A1CF: variants seen among roughly 807,000 people sequenced by gnomAD.
The protein encoded by A1CF is APOBEC1 complementation factor.
Under a neutral mutation model 68.9 loss-of-function variants are expected in A1CF, and 48 were observed. The observed-to-expected ratio is 0.70, with a 90% CI of 0.55 to 0.89. The LOEUF (loss-of-function observed/expected upper bound fraction) is 0.89, where lower values mean the gene tolerates loss of function less well. Ranked by LOEUF, A1CF falls within the 40% of genes least tolerant of loss-of-function variation. A1CF has a pLI of 0.00. For synonymous variants in A1CF, 272 were observed against 260.4 expected, an observed-to-expected ratio of 1.04 and a Z score of -0.43; for missense variants, 653 against 718.9, an observed-to-expected ratio of 0.91 and a Z score of 1.05.
At chr10:50,830,380 T>C (rs1249820066) in intron 6 of A1CF, among the ~76,000 whole-genome samples, 1 of 152,186 alleles carries the variant, frequency 6.6e-6, no homozygotes, top group African/African-American at 2.4e-5. Flanking sequence ...GATTGACTAA[T>C]ATTCCATTGT....
At chr10:50,852,817 A>C (rs1840309620) in intron 3 of A1CF, among the ~76,000 whole-genome samples, 1 of 152,186 alleles carries the variant, frequency 6.6e-6, no homozygotes, top group African/African-American at 2.4e-5. Flanking sequence ...TGAGACCCTC[A>C]GGTTATTTTT....
chr10:50,854,989 T>G (rs1045733762), intron 3 of A1CF, among the ~76,000 whole-genome samples: 4 of 151,906 alleles, frequency 2.6e-5, no homozygotes, highest in Non-Finnish European at 5.9e-5. Flanking sequence ...TTTAAAAAAT[T>G]AAGACTACCT....
At chr10:50,807,319 C>A (rs940145921) in intron 12 of A1CF, among the ~76,000 whole-genome samples, 1 of 152,088 alleles carries the variant, frequency 6.6e-6, no homozygotes, top group Non-Finnish European at 1.5e-5. Context: ...CTCCTGTAAC[C>A]CCACACCTGC....
At chr10:50,826,530 TA>T (rs1425255000) in intron 7 of A1CF, among the ~76,000 whole-genome samples, 5 of 152,164 alleles carry the variant, frequency 3.3e-5, no homozygotes, top group African/African-American at 1.2e-4. Context: ...CCAGCCAAAC[TA>T]AGCTTCATAA....
At chr10:50,852,559 T>C (rs918193557) in intron 3 of A1CF, among the ~76,000 whole-genome samples, 5 of 152,162 alleles carry the variant, frequency 3.3e-5, no homozygotes, top group Admixed American at 6.6e-5. Context: ...TTGCTACCTA[T>C]TTAAAGAATT....
At chr10:50,876,683 C>A (rs146193384) in intron 1 of A1CF, among the ~76,000 whole-genome samples, 54 of 152,218 alleles carry the variant, frequency 3.5e-4, no homozygotes, top group African/African-American at 1.2e-3. Context: ...GGGTCTCAAG[C>A]CTTTGGACTT....
chr10:50,852,055 T>A (rs1212008663), intron 3 of A1CF, among the ~76,000 whole-genome samples: 1 of 152,226 alleles, frequency 6.6e-6, no homozygotes, highest in Non-Finnish European at 1.5e-5. Flanking sequence ...AGTGTGAATT[T>A]GTCAGCGTGC....
intron 5 of A1CF, among the ~76,000 whole-genome samples, chr10:50,836,892 G>C (rs1209173231): frequency 6.6e-6 from 1 of 152,008 alleles, no homozygotes; most frequent in Non-Finnish European, 1.5e-5. Flanking sequence ...TGGCTGCATA[G>C]CATCTGCTTT....
intron 7 of A1CF, among the ~76,000 whole-genome samples, chr10:50,826,922 A>G (rs1350037203): frequency 6.6e-6 from 1 of 152,198 alleles, no homozygotes; most frequent in African/African-American, 2.4e-5. Context: ...GGCTCAAAGT[A>G]AATGGATGGA....
At chr10:50,852,262 G>T (rs1056721128) in intron 3 of A1CF, among the ~76,000 whole-genome samples, 1 of 152,168 alleles carries the variant, frequency 6.6e-6, no homozygotes, top group Non-Finnish European at 1.5e-5. Flanking sequence ...GGCTATTCGA[G>T]GAGAAATTCA....
intron 10 of A1CF, 112 bp downstream of exon 10, chr10:50,813,745 A>G: frequency 3.6e-6 from 4 of 1,117,240 alleles, no homozygotes; most frequent in Middle Eastern, 2.1e-4. Context: ...TTTATATATT[A>G]AAAGAAAAAA....
At chr10:50,855,639 T>A (rs1434741401) in intron 3 of A1CF, among the ~76,000 whole-genome samples, 1 of 152,030 alleles carries the variant, frequency 6.6e-6, no homozygotes, top group East Asian at 1.9e-4. Context: ...AGTTGCTACA[T>A]AAAAGCCTGG....
intron 7 of A1CF, among the ~76,000 whole-genome samples, chr10:50,827,481 A>C (rs962077651): frequency 3.3e-5 from 5 of 152,204 alleles, no homozygotes; most frequent in Admixed American, 1.3e-4. Flanking sequence ...TAAGAAACTC[A>C]CCCCAAACCA....
intron 7 of A1CF, among the ~76,000 whole-genome samples, chr10:50,825,430 T>A (rs1838872763): frequency 6.6e-6 from 1 of 152,162 alleles, no homozygotes; most frequent in Non-Finnish European, 1.5e-5. Context: ...GCATCGCTTC[T>A]TGGAGAATTT....
intron 5 of A1CF, among the ~76,000 whole-genome samples, chr10:50,837,421 C>A (rs1375444395): frequency 6.6e-6 from 1 of 152,150 alleles, no homozygotes; most frequent in African/African-American, 2.4e-5. Flanking sequence ...TGTGCACAAC[C>A]TTTGACCAAA....
intron 1 of A1CF, among the ~76,000 whole-genome samples, chr10:50,876,608 T>C (rs1841524612): frequency 6.6e-6 from 1 of 152,160 alleles, no homozygotes; most frequent in Non-Finnish European, 1.5e-5. Flanking sequence ...GGACTTGAAA[T>C]ATTGGCTCTT....
At chr10:50,863,620 G>C (rs1410354200) in intron 2 of A1CF, among the ~76,000 whole-genome samples, 1 of 152,102 alleles carries the variant, frequency 6.6e-6, no homozygotes, top group Non-Finnish European at 1.5e-5. Context: ...AAATATCATG[G>C]AGTTTTACAG....
intron 3 of A1CF, chr10:50,850,592 TTG>T (rs58342464): frequency 5.6e-3 from 7,679 of 1,364,128 alleles, no homozygotes; most frequent in Non-Finnish European, 6.5e-3. Context: ...CAAAAAGCAT[TTG>T]TGTGTGTGTG....
intron 1 of A1CF, among the ~76,000 whole-genome samples, chr10:50,866,846 C>T (rs1455546134): frequency 6.6e-6 from 1 of 151,988 alleles, no homozygotes; most frequent in African/African-American, 2.4e-5. Flanking sequence ...GCTAGGGAAA[C>T]AGACAAAGAG....
Sources: gnomAD v4.1 joint callset for allele counts (sites outside exome capture counted in the v4.1 genomes callset) on GRCh38, gnomAD v4.1.1 for gene constraint, MANE v1.5 for transcripts, NCBI Gene and HGNC (gene_info 2026-07-23, HGNC 2026-07-21) for gene names.